Variants in THBS4 observed in about 807,000 individuals in gnomAD.
THBS4 encodes the protein thrombospondin-4.
Under a neutral mutation model 115.7 loss-of-function variants are expected in THBS4, and 90 were observed. The ratio of observed to expected loss-of-function variants is 0.78; its 90% confidence interval spans 0.66 to 0.93. The LOEUF (loss-of-function observed/expected upper bound fraction) is 0.93, where lower values mean the gene tolerates loss of function less well. Ranked by LOEUF, THBS4 falls within the 40% of genes least tolerant of loss-of-function variation. The pLI, the probability that THBS4 is intolerant of heterozygous loss-of-function variation, is 0.00. For missense variants in THBS4, 1,087 were observed against 1,232.7 expected (o/e 0.88, Z 1.77); for synonymous variants, 460 against 479.3 (o/e 0.96, Z 0.53).
chr5:80,082,606 T>C, intron 21 of THBS4, 61 bp downstream of exon 21: 1 of 1,592,972 alleles, frequency 6.3e-7, no homozygotes, highest in Non-Finnish European at 8.6e-7. Context: ...CACTGCCACC[T>C]TATTTTTATA....
intron 2 of THBS4, among the ~76,000 whole-genome samples, chr5:80,027,894 CAAAAAAAAAAA>C (rs1159986888): frequency 2.1e-5 from 1 of 47,720 alleles, no homozygotes. Context: ...ACCCTGTCTC[CAAAAAAAAAAA>C]AAAAAAAAAA....
chr5:80,043,088 G>A (rs983902799), intron 2 of THBS4, among the ~76,000 whole-genome samples: 2 of 152,150 alleles, frequency 1.3e-5, no homozygotes, highest in Non-Finnish European at 2.9e-5. Flanking sequence ...AGAAACTGTG[G>A]GGGCAGAAGG....
intron 2 of THBS4, among the ~76,000 whole-genome samples, chr5:80,002,066 C>T (rs1442935393): frequency 6.6e-6 from 1 of 152,164 alleles, no homozygotes; most frequent in Non-Finnish European, 1.5e-5. Flanking sequence ...AACTTTGAGT[C>T]CAATGATTAG....
At chr5:80,034,274 G>T (rs760441214), upstream of THBS4, among the ~76,000 whole-genome samples, 8 of 152,108 alleles carry the variant, frequency 5.3e-5, no homozygotes, top group Non-Finnish European at 1.2e-4. Context: ...TCTCCAAGTC[G>T]CTAGCTGTAA....
At chr5:80,021,603 C>T (rs775217471) in intron 2 of THBS4, among the ~76,000 whole-genome samples, 34 of 152,190 alleles carry the variant, frequency 2.2e-4, no homozygotes, top group Middle Eastern at 3.4e-3. Context: ...AACTCCCAGA[C>T]TCAAGGGATC....
chr5:80,037,152 G>A (rs759946994), intron 1 of THBS4, among the ~76,000 whole-genome samples: 11 of 152,088 alleles, frequency 7.2e-5, no homozygotes, highest in Non-Finnish European at 1.0e-4. Flanking sequence ...TGTTATATAC[G>A]TTCTTGACTT....
intron 10 of THBS4, among the ~76,000 whole-genome samples, chr5:80,069,176 G>A (rs1396172359): frequency 6.6e-6 from 1 of 152,248 alleles, no homozygotes; most frequent in African/African-American, 2.4e-5. Context: ...GATTCTCGGA[G>A]CCCTTTTCCA....
intron 15 of THBS4, chr5:80,075,400 G>C (rs1251622155): frequency 1.3e-5 from 2 of 152,170 alleles, no homozygotes; most frequent in East Asian, 3.9e-4. Context: ...GCTGGCCCAA[G>C]GGTGACATGC....
chr5:80,059,640 T>G, intron 6 of THBS4, 63 bp from the exon 7 acceptor site: 1 of 1,601,504 alleles, frequency 6.2e-7, no homozygotes, highest in Non-Finnish European at 8.5e-7. Flanking sequence ...AACCAAATTT[T>G]GTTTTGCCTT....
chr5:80,049,313 C>T (rs1413775278), intron 2 of THBS4, among the ~76,000 whole-genome samples: 3 of 152,296 alleles, frequency 2.0e-5, no homozygotes, highest in South Asian at 2.1e-4. Flanking sequence ...TTCCTGTGTC[C>T]GGCTGGTCCC....
At chr5:80,026,627 G>T (rs893238754) in intron 2 of THBS4, among the ~76,000 whole-genome samples, 1 of 152,146 alleles carries the variant, frequency 6.6e-6, no homozygotes, top group Non-Finnish European at 1.5e-5. Context: ...CTTTAATTAT[G>T]AGCCTTGAAA....
At chr5:80,025,370 G>A (rs1832456046) in intron 2 of THBS4, among the ~76,000 whole-genome samples, 1 of 152,202 alleles carries the variant, frequency 6.6e-6, no homozygotes, top group South Asian at 2.1e-4. Flanking sequence ...GATAAAGTAT[G>A]CTAGGGCAAG....
intron 7 of THBS4, among the ~76,000 whole-genome samples, chr5:80,061,244 T>C (rs539364956): frequency 1.3e-5 from 2 of 152,174 alleles, no homozygotes; most frequent in African/African-American, 4.8e-5. Flanking sequence ...GCACAGGCCC[T>C]GAGGGATTAC....
intron 2 of THBS4, among the ~76,000 whole-genome samples, chr5:80,004,391 G>A (rs1308157098): frequency 3.3e-5 from 5 of 152,168 alleles, no homozygotes; most frequent in Admixed American, 1.3e-4. Flanking sequence ...TTGGTGACCT[G>A]GAACATCTCT....
At chr5:80,017,601 T>C (rs543443038) in intron 2 of THBS4, among the ~76,000 whole-genome samples, 1 of 152,326 alleles carries the variant, frequency 6.6e-6, no homozygotes, top group South Asian at 2.1e-4. Context: ...ATTTTGCTTT[T>C]TAATTCTACA....
intron 10 of THBS4, among the ~76,000 whole-genome samples, chr5:80,069,908 T>A (rs1292096711): frequency 6.6e-6 from 1 of 152,212 alleles, no homozygotes; most frequent in Non-Finnish European, 1.5e-5. Context: ...TGTGCTCACA[T>A]AAGTCTGATT....
In THBS4 at chr5:80,058,745, A is replaced by G; in HGVS notation, c.687A>G (p.Gln229=). Residue 229 remains glutamine (Q), a synonymous_variant, in exon 5 of 22, where the codon CAA becomes CAG. Coordinates refer to ENST00000350881, the MANE Select transcript of THBS4 (RefSeq NM_003248.6). The part of the protein sequence containing the change: ...FNRQFLGQMT[Q]LNQLLGEVKD... ...GGCAGTTCTTGGGTCAAATGACACAATTAAACCAACTCCTGGGAGAGGTGA... is the reference window on the plus strand; with the variant it reads ...GGCAGTTCTTGGGTCAAATGACACAGTTAAACCAACTCCTGGGAGAGGTGA... The G allele has an allele frequency of 6.2e-7, 1 of 1,614,156 alleles. No homozygotes were observed. Among genetic ancestry groups the G allele is most frequent in the Non-Finnish European group, 8.5e-7 (1 of 1,180,012 alleles).
intron 2 of THBS4, among the ~76,000 whole-genome samples, chr5:80,046,917 T>G (rs1004399667): frequency 5.9e-5 from 9 of 152,218 alleles, no homozygotes; most frequent in African/African-American, 2.2e-4. Context: ...ATACTATCAT[T>G]CATATTTACA....
chr5:80,072,180 G>A, intron 13 of THBS4, 98 bp from the exon 14 acceptor site: 2 of 1,054,390 alleles, frequency 1.9e-6, no homozygotes, highest in Non-Finnish European at 2.9e-6. Context: ...TGTGACACTG[G>A]CCCAGGCAGA....
Sources: gnomAD v4.1 joint callset for allele counts (sites outside exome capture counted in the v4.1 genomes callset) on GRCh38, gnomAD v4.1.1 for gene constraint, MANE v1.5 for transcripts, NCBI Gene and HGNC (gene_info 2026-07-23, HGNC 2026-07-21) for gene names.